RBFOX1: variants seen among roughly 807,000 people sequenced by gnomAD.
RBFOX1 encodes the protein RNA binding protein fox-1 homolog 1.
Under a neutral mutation model 57.7 loss-of-function variants are expected in RBFOX1, and 8 were observed. The observed-to-expected ratio is 0.14, with a 90% confidence interval of 0.08 to 0.25. The LOEUF (loss-of-function observed/expected upper bound fraction) is 0.25. Among genes scored for constraint, RBFOX1 ranks in the 10% least tolerant of loss-of-function variants. RBFOX1 has a pLI of 1.00. For missense variants in RBFOX1, 611 were observed against 548.5 expected, an observed-to-expected ratio of 1.11 and a Z score of -1.14; for synonymous variants, 326 against 222.4, an observed-to-expected ratio of 1.47 and a Z score of -4.15.
chr16:6,006,793 A>G (rs1418532903), intron 4 of RBFOX1, among the ~76,000 whole-genome samples: 1 of 152,218 alleles, frequency 6.6e-6, no homozygotes, highest in Admixed American at 6.5e-5. Context: ...GCGATAAGAT[A>G]CAATGAGTGG....
At chr16:6,731,366 A>T (rs1234468493) in intron 3 of RBFOX1, among the ~76,000 whole-genome samples, 2 of 152,124 alleles carry the variant, frequency 1.3e-5, no homozygotes, top group Admixed American at 6.5e-5. Flanking sequence ...CTAGGGCACG[A>T]CTATACTTTA....
chr16:7,266,221 C>T (rs1030694363), intron 4 of RBFOX1, among the ~76,000 whole-genome samples: 12 of 137,406 alleles, frequency 8.7e-5, no homozygotes, highest in East Asian at 4.4e-4. Context: ...GTGACCCGGC[C>T]GCCTCGGCCT....
chr16:6,041,726 T>A (rs922221805), intron 1 of RBFOX1, among the ~76,000 whole-genome samples: 10 of 152,298 alleles, frequency 6.6e-5, no homozygotes, highest in African/African-American at 2.4e-4. Context: ...GGACAAGGTC[T>A]GACCAAATAC....
intron 3 of RBFOX1, among the ~76,000 whole-genome samples, chr16:6,971,947 G>C (rs906198861): frequency 6.6e-6 from 1 of 152,148 alleles, no homozygotes; most frequent in African/African-American, 2.4e-5. Flanking sequence ...AGATGCGGGA[G>C]AATGTGAATG....
chr16:6,778,684 C>G (rs574083556), intron 3 of RBFOX1, among the ~76,000 whole-genome samples: 1 of 151,600 alleles, frequency 6.6e-6, no homozygotes, highest in African/African-American at 2.4e-5. Context: ...ATTTTACTCT[C>G]TTTTTTCTTA....
intron 4 of RBFOX1, among the ~76,000 whole-genome samples, chr16:7,181,604 C>G (rs978987756): frequency 1.3e-5 from 2 of 151,742 alleles, no homozygotes; most frequent in Non-Finnish European, 2.9e-5. Context: ...GCTCTGTTGC[C>G]CAGGCTGGAG....
At chr16:5,286,056 C>G (rs545706652) in intron 1 of RBFOX1, among the ~76,000 whole-genome samples, 3 of 152,174 alleles carry the variant, frequency 2.0e-5, no homozygotes, top group Non-Finnish European at 2.9e-5. Context: ...TGGCATGAAC[C>G]ACCACACCTG....
At chr16:6,450,761 ATATG>A (rs1218372710) in intron 2 of RBFOX1, among the ~76,000 whole-genome samples, 9 of 42,996 alleles carry the variant, frequency 2.1e-4, no homozygotes, top group Middle Eastern at 0.011. Context: ...ATACATATAT[ATATG>A]TGTATATATA....
chr16:6,589,850 G>C (rs147213785), intron 2 of RBFOX1, among the ~76,000 whole-genome samples: 1 of 152,178 alleles, frequency 6.6e-6, no homozygotes, highest in Non-Finnish European at 1.5e-5. Context: ...GATGGAGCCA[G>C]TTAGGTCATA....
chr16:6,266,651 T>C (rs1035188561), intron 1 of RBFOX1, among the ~76,000 whole-genome samples: 2 of 151,570 alleles, frequency 1.3e-5, no homozygotes, highest in Non-Finnish European at 2.9e-5. Flanking sequence ...GAGGCGAAGG[T>C]TGCAGTGAGC....
At chr16:6,348,491 C>T (rs1052133170) in intron 2 of RBFOX1, among the ~76,000 whole-genome samples, 1 of 152,084 alleles carries the variant, frequency 6.6e-6, no homozygotes, top group African/African-American at 2.4e-5. Flanking sequence ...TCAGCCTGTT[C>T]TTGCACTGCT....
chr16:7,614,635 G>C (rs1309061458), intron 10 of RBFOX1: 1 of 152,190 alleles, frequency 6.6e-6, no homozygotes, highest in African/African-American at 2.4e-5. Context: ...TTCACATCCA[G>C]GCTATGGGAA....
intron 3 of RBFOX1, among the ~76,000 whole-genome samples, chr16:6,923,683 C>G (rs28465376): frequency 0.023 from 3,431 of 152,164 alleles, 110 homozygotes; most frequent in African/African-American, 0.075. Context: ...TACTCTTTAC[C>G]CCTTGACTGC....
At chr16:6,574,144 A>C (rs2097387420) in intron 2 of RBFOX1, among the ~76,000 whole-genome samples, 1 of 152,104 alleles carries the variant, frequency 6.6e-6, no homozygotes, top group Non-Finnish European at 1.5e-5. Flanking sequence ...GTGGGTTTCC[A>C]TTCTGGCCTT....
At chr16:6,086,460 TG>T (rs1329018106) in intron 1 of RBFOX1, among the ~76,000 whole-genome samples, 2 of 151,890 alleles carry the variant, frequency 1.3e-5, no homozygotes, top group Non-Finnish European at 2.9e-5. Flanking sequence ...CAGCACTGTC[TG>T]AGAGTTCCTG....
At chr16:7,164,609 A>G (rs760869983) in intron 4 of RBFOX1, among the ~76,000 whole-genome samples, 7 of 152,228 alleles carry the variant, frequency 4.6e-5, no homozygotes, top group Non-Finnish European at 8.8e-5. Context: ...ACCACTTTTA[A>G]TAACGTGTAA....
chr16:6,251,553 G>C (rs1441770157), intron 1 of RBFOX1, among the ~76,000 whole-genome samples: 4 of 151,936 alleles, frequency 2.6e-5, no homozygotes, highest in Non-Finnish European at 4.4e-5. Context: ...AAAATATACT[G>C]CTTTGCTAAA....
chr16:5,690,156 T>G (rs1255778213), intron 3 of RBFOX1, among the ~76,000 whole-genome samples: 1 of 151,964 alleles, frequency 6.6e-6, no homozygotes, highest in Non-Finnish European at 1.5e-5. Flanking sequence ...TGAAAAGGAG[T>G]CTTGGTTTTC....
At chr16:5,866,930 G>T (rs1242018071) in intron 3 of RBFOX1, among the ~76,000 whole-genome samples, 1 of 152,060 alleles carries the variant, frequency 6.6e-6, no homozygotes, top group African/African-American at 2.4e-5. Flanking sequence ...AACTTTAAGG[G>T]AAGGAAAAAA....
Sources: gnomAD v4.1 joint callset for allele counts (sites outside exome capture counted in the v4.1 genomes callset) on GRCh38, gnomAD v4.1.1 for gene constraint, MANE v1.5 for transcripts, NCBI Gene and HGNC (gene_info 2026-07-23, HGNC 2026-07-21) for gene names.